CSMD3: variants seen among roughly 807,000 people sequenced by gnomAD.
The protein encoded by CSMD3 is CUB and Sushi multiple domains 3.
Under a neutral mutation model 435.2 loss-of-function variants are expected in CSMD3, and 177 were observed. That is an observed-to-expected ratio of 0.41 (90% CI 0.36 to 0.46). CSMD3 has a LOEUF of 0.46. Ranked by LOEUF, CSMD3 falls within the 20% of genes least tolerant of loss-of-function variation. The probability of loss-of-function intolerance (pLI) is 0.34; values close to 1 mark genes in which losing one functional copy is unlikely to be tolerated. For missense variants in CSMD3, 4,265 were observed against 4,504.6 expected, an observed-to-expected ratio of 0.95 and a Z score of 1.52; for synonymous variants, 1,656 against 1,520.5, an observed-to-expected ratio of 1.09 and a Z score of -2.07.
chr8:112,529,352 C>T (rs984113083), intron 27 of CSMD3, among the ~76,000 whole-genome samples: 1 of 152,130 alleles, frequency 6.6e-6, no homozygotes, highest in African/African-American at 2.4e-5. Context: ...AATCCTAGCA[C>T]TTTGAATATT....
intron 17 of CSMD3, among the ~76,000 whole-genome samples, chr8:112,661,690 C>T (rs1313307664): frequency 6.6e-6 from 1 of 151,786 alleles, no homozygotes; most frequent in African/African-American, 2.4e-5. Flanking sequence ...TTATTTTTGG[C>T]TTATATAGTA....
At position 112,275,024 on chromosome 8, in the gene CSMD3, C is replaced by T. The variant is rs181066268; in HGVS notation, c.9508+6150G>A. Among the ~76,000 whole-genome samples, 81 of 152,200 alleles carry T rather than the reference C, an allele frequency of 5.3e-4. 3 individuals are homozygous for T. Among genetic ancestry groups the T allele is most frequent in the Middle Eastern group, 3.4e-3 (1 of 294 alleles). ...CTTTTGATGCTTCAAGTTCTACCTC[C>T]CCATTCCCCTTCTACTCCACATCTG... On this transcript the variant is annotated intron_variant, in intron 59 of 70. Coordinates refer to ENST00000297405, the MANE Select transcript of CSMD3 (RefSeq NM_198123.2).
In CSMD3 at chr8:113,367,556, C is replaced by T. The variant is rs574014581; in HGVS notation, c.179-52763G>A. ...CGTCTTACTGAAATTGGAATATTAT[C>T]TGAACTCTTTACCATGATCTAAAAA... On this transcript the variant is annotated intron_variant, in intron 1 of 70. Transcript: ENST00000297405. Among the ~76,000 whole-genome samples, 4 of 152,200 alleles carry T rather than the reference C, an allele frequency of 2.6e-5. No individual in the cohort carries two copies. The South Asian group carries it at 8.3e-4, about 32-fold the overall frequency.
chr8:112,725,871 C>A (rs781598938), intron 13 of CSMD3, among the ~76,000 whole-genome samples: 10 of 151,994 alleles, frequency 6.6e-5, no homozygotes, highest in Admixed American at 6.6e-4. Context: ...CATGAGATTG[C>A]AACCTGTGTA....
rs117005903 is a variant in CSMD3, at chr8:113,147,041, G to A, written c.709+26681C>T. On this transcript the variant is annotated intron_variant, in intron 4 of 70. Coordinates refer to ENST00000297405, the MANE Select transcript of CSMD3 (RefSeq NM_198123.2). The stretch of plus-strand genomic sequence containing the variant: ...GAATGTTTAACTATGTCATGGAACT[G>A]AAATACAACATGCAACATTATATAT... Among the ~76,000 whole-genome samples the A allele has an allele frequency of 9.2e-5, 14 of 151,710 alleles. No individual in the cohort carries two copies. The East Asian group carries it at 2.1e-3, about 23-fold the overall frequency.
At chr8:112,505,402 T>A (rs974846010) in intron 29 of CSMD3, among the ~76,000 whole-genome samples, 1 of 152,164 alleles carries the variant, frequency 6.6e-6, no homozygotes, top group African/African-American at 2.4e-5. Flanking sequence ...ACACAACTTC[T>A]GAATTTCATC....
intron 3 of CSMD3, among the ~76,000 whole-genome samples, chr8:113,235,102 T>G (rs571306740): frequency 1.3e-5 from 2 of 152,250 alleles, no homozygotes; most frequent in Non-Finnish European, 2.9e-5. Flanking sequence ...TCTCTACATT[T>G]AAGCGGACTT....
intron 7 of CSMD3, among the ~76,000 whole-genome samples, chr8:112,956,245 C>A (rs1227187353): frequency 1.3e-5 from 2 of 151,898 alleles, no homozygotes; most frequent in Non-Finnish European, 2.9e-5. Context: ...AATCCTTATT[C>A]ATGGTGAAAA....
Position 113,158,333 on chromosome 8 carries a change from C to T in CSMD3, c.709+15389G>A, listed in dbSNP as rs1015400914. Among the ~76,000 whole-genome samples the T allele has an allele frequency of 3.3e-5, 5 of 151,872 alleles. No individual in the cohort carries two copies. In the South Asian group the frequency reaches 6.2e-4, roughly 19 times the overall value. Reference sequence around the variant, plus strand: ...GAAATATGAACCACATATATGATAACGGAAGGTCCTCCATGCATGTATGAT... The same window carrying T: ...GAAATATGAACCACATATATGATAATGGAAGGTCCTCCATGCATGTATGAT... On this transcript the variant is annotated intron_variant, in intron 4 of 70. Transcript: ENST00000297405.
intron 27 of CSMD3, among the ~76,000 whole-genome samples, chr8:112,522,230 G>C (rs1824367234): frequency 6.6e-6 from 1 of 151,726 alleles, no homozygotes; most frequent in Non-Finnish European, 1.5e-5. Flanking sequence ...AAAAAAGATA[G>C]ACATGTAAAA....
At chr8:112,827,729 A>G (rs1435212049) in intron 12 of CSMD3, among the ~76,000 whole-genome samples, 1 of 152,164 alleles carries the variant, frequency 6.6e-6, no homozygotes, top group Non-Finnish European at 1.5e-5. Flanking sequence ...AGCAATCCAC[A>G]TTTTGTCTTA....
intron 10 of CSMD3, among the ~76,000 whole-genome samples, chr8:112,919,244 A>G (rs956533191): frequency 7.9e-5 from 12 of 151,884 alleles, no homozygotes; most frequent in African/African-American, 2.4e-4. Context: ...TATATATATA[A>G]CATAATGTAT....
At chr8:112,955,256 A>G (rs1448769232) in intron 7 of CSMD3, among the ~76,000 whole-genome samples, 10 of 151,730 alleles carry the variant, frequency 6.6e-5, no homozygotes, top group Non-Finnish European at 1.3e-4. Context: ...ATTTATTTTA[A>G]TAGCTCTGTC....
intron 3 of CSMD3, among the ~76,000 whole-genome samples, chr8:113,255,205 C>A (rs2093369278): frequency 1.3e-5 from 2 of 152,042 alleles, no homozygotes; most frequent in South Asian, 4.1e-4. Context: ...TGTTTAAGTT[C>A]TTCAATACAT....
At chr8:113,086,004 G>A (rs537056104) in intron 5 of CSMD3, among the ~76,000 whole-genome samples, 17 of 152,182 alleles carry the variant, frequency 1.1e-4, no homozygotes, top group Non-Finnish European at 1.8e-4. Context: ...TCGGGAGGCC[G>A]AGGCAGGTGG....
intron 10 of CSMD3, among the ~76,000 whole-genome samples, chr8:112,883,759 C>T (rs1446801275): frequency 6.6e-6 from 1 of 151,794 alleles, no homozygotes; most frequent in Non-Finnish European, 1.5e-5. Context: ...TAAATAATGC[C>T]CTTTTCTCTT....
intron 5 of CSMD3, among the ~76,000 whole-genome samples, chr8:113,072,051 T>A (rs975856599): frequency 1.6e-4 from 24 of 151,808 alleles, no homozygotes; most frequent in African/African-American, 5.8e-4. Flanking sequence ...TTAAATATTT[T>A]ATTATTTTAT....
chr8:113,067,085 TA>T (rs1013518290), intron 5 of CSMD3, among the ~76,000 whole-genome samples: 224 of 152,244 alleles, frequency 1.5e-3, no homozygotes, highest in African/African-American at 5.3e-3. Flanking sequence ...AGAATTCCAA[TA>T]TTTTTTGTCT....
chr8:113,142,865 AATATATAT>A (rs60270302), intron 4 of CSMD3, among the ~76,000 whole-genome samples: 1 of 144,998 alleles, frequency 6.9e-6, no homozygotes, highest in African/African-American at 2.5e-5. Flanking sequence ...GAACTCCTTA[AATATATAT>A]ATATATATAT....
Sources: gnomAD v4.1 joint callset for allele counts (sites outside exome capture counted in the v4.1 genomes callset) on GRCh38, gnomAD v4.1.1 for gene constraint, MANE v1.5 for transcripts, NCBI Gene and HGNC (gene_info 2026-07-23, HGNC 2026-07-21) for gene names.